The following ACACA variants were observed in gnomAD, a reference collection of about 807,000 sequenced individuals.
ACACA encodes acetyl-CoA carboxylase alpha.
Under a neutral mutation model 296.1 loss-of-function variants are expected in ACACA, and 103 were observed. The observed-to-expected ratio is 0.35, with a 90% CI of 0.30 to 0.41. The LOEUF (loss-of-function observed/expected upper bound fraction) is 0.41. Ranked by LOEUF, ACACA falls within the 10% of genes least tolerant of loss-of-function variation. ACACA has a pLI of 1.00. For missense variants in ACACA, 1,554 were observed against 2,989.7 expected (o/e 0.52, Z 11.20); for synonymous variants, 953 against 1,038.6 (o/e 0.92, Z 1.58).
chr17:37,121,465 C>A lies in ACACA; in HGVS notation c.6164G>T (p.Trp2055Leu). 1.9e-6 allele frequency: 3 copies of A among 1,614,150 alleles called. No individual in the cohort carries two copies. Among genetic ancestry groups the A allele is most frequent in the Non-Finnish European group, 2.5e-6 (3 of 1,180,024 alleles). ...AKIIQQAGQV[W>L]FPDSAFKTYQ... ...CGTCTTAAACGCAGAATCTGGGAAC[C>A]AAACCTGGCCAGCCTGCTGGATTAT... is the stretch of plus-strand genomic sequence containing the variant. Residue 2055 changes from tryptophan (W) to leucine (L), a missense_variant, in exon 50 of 56, where the codon TGG becomes TTG. Trp to Leu is a moderately conservative substitution (Grantham distance 61, BLOSUM62 -2). This residue lies in a region of ACACA where 553 missense variants were observed against 1,043.6 expected (regional missense o/e 0.53). Coordinates refer to ENST00000616317, the MANE Select transcript of ACACA (RefSeq NM_198834.3).
chr17:37,354,816 A>T (rs1230779802), intron 1 of ACACA, among the ~76,000 whole-genome samples: 1 of 152,196 alleles, frequency 6.6e-6, no homozygotes, highest in African/African-American at 2.4e-5. Flanking sequence ...CTGCAGTCCC[A>T]GCTACTCCAG....
At chr17:37,103,655 T>C (rs1040629239) in intron 52 of ACACA, among the ~76,000 whole-genome samples, 1 of 152,076 alleles carries the variant, frequency 6.6e-6, no homozygotes, top group Admixed American at 6.6e-5. Context: ...TTGGGAGGAC[T>C]GCCTGAAGCC....
At chr17:37,307,148 A>G (rs2083922498) in intron 3 of ACACA, among the ~76,000 whole-genome samples, 1 of 152,176 alleles carries the variant, frequency 6.6e-6, no homozygotes, top group Admixed American at 6.5e-5. Context: ...TACCTATTCT[A>G]CTATTCACGG....
chr17:37,185,958 C>T (rs950997337), intron 39 of ACACA, among the ~76,000 whole-genome samples: 126 of 152,276 alleles, frequency 8.3e-4, no homozygotes, highest in African/African-American at 2.8e-3. Context: ...ATTATGACTG[C>T]CTGACATCAG....
At chr17:37,306,151 G>A (rs903724847) in intron 3 of ACACA, among the ~76,000 whole-genome samples, 11 of 151,888 alleles carry the variant, frequency 7.2e-5, no homozygotes, top group Non-Finnish European at 1.2e-4. Flanking sequence ...CTTGTGATCC[G>A]CCCACCTCGG....
At chr17:37,271,125 T>TCTAAA (rs2082047553) in intron 9 of ACACA, among the ~76,000 whole-genome samples, 1 of 152,224 alleles carries the variant, frequency 6.6e-6, no homozygotes, top group Admixed American at 6.5e-5. Context: ...TCTAAAGTAA[T>TCTAAA]GTCACATGGG....
intron 3 of ACACA, chr17:37,289,384 AAC>A (rs2082939335): frequency 8.4e-7 from 1 of 1,189,438 alleles, no homozygotes; most frequent in Admixed American, 2.2e-5. Flanking sequence ...ATTGAAAGGT[AAC>A]ACAGAGAATA....
intron 22 of ACACA, 41 bp downstream of exon 22, chr17:37,243,330 A>T (rs752733115): frequency 6.4e-7 from 1 of 1,568,968 alleles, no homozygotes; most frequent in Non-Finnish European, 8.8e-7. Flanking sequence ...AAACTCTGGC[A>T]TTGGTAGCCA....
intron 45 of ACACA, among the ~76,000 whole-genome samples, chr17:37,149,523 G>C (rs1567724381): frequency 6.6e-6 from 1 of 152,210 alleles, no homozygotes; most frequent in Non-Finnish European, 1.5e-5. Context: ...GGACAGAACA[G>C]AAGCGTTCAA....
chr17:37,138,611 C>T (rs1447460155), intron 45 of ACACA, among the ~76,000 whole-genome samples: 1 of 152,168 alleles, frequency 6.6e-6, no homozygotes, highest in Non-Finnish European at 1.5e-5. Flanking sequence ...CACATTAAAG[C>T]CCCTAGTGCC....
At chr17:37,224,151 G>A (rs1206950303) in intron 27 of ACACA, among the ~76,000 whole-genome samples, 1 of 152,184 alleles carries the variant, frequency 6.6e-6, no homozygotes, top group Non-Finnish European at 1.5e-5. Flanking sequence ...GCAGTGAGCC[G>A]AGATTATGCC....
chr17:37,232,127 A>G (rs1018404788), intron 25 of ACACA, among the ~76,000 whole-genome samples: 1 of 152,146 alleles, frequency 6.6e-6, no homozygotes, highest in East Asian at 1.9e-4. Flanking sequence ...CCTGGAGAGG[A>G]TGAAGGTACC....
chr17:37,306,092 T>C (rs1323130596), intron 3 of ACACA, among the ~76,000 whole-genome samples: 1 of 151,904 alleles, frequency 6.6e-6, no homozygotes, highest in Non-Finnish European at 1.5e-5. Flanking sequence ...GTATTTTTAG[T>C]AGAGAAGGGG....
At chr17:37,303,211 T>C (rs565208591) in intron 3 of ACACA, among the ~76,000 whole-genome samples, 43 of 152,372 alleles carry the variant, frequency 2.8e-4, no homozygotes, top group African/African-American at 1.0e-3. Context: ...TCTGTCTTTA[T>C]AGATTTGCCT....
chr17:37,085,351 C>G lies in ACACA; in HGVS notation c.*1965G>C, dbSNP rs1052151763. 2.8e-6 allele frequency: 1 copy of G among 358,046 alleles called. No individual in the cohort carries two copies. The highest frequency in any genetic ancestry group is 5.0e-6 in the Non-Finnish European group (1 of 200,640). The allele number at this position is 358,046 out of a possible 1,614,324, so 22.2% of individuals were successfully genotyped here. A position where few individuals can be genotyped will look rare whatever the true frequency, so the allele number is the denominator to read the frequency against. On this transcript the variant is annotated 3_prime_UTR_variant, in exon 56 of 56. Transcript: ENST00000616317. ...AGAGAGGAAACATACTCGTTTGTGT[C>G]ATAATTTGGTGGGGAGAGGGGAGGT...
chr17:37,247,878 G>T, intron 18 of ACACA, 133 bp downstream of exon 18: 1 of 991,250 alleles, frequency 1.0e-6, no homozygotes, highest in Non-Finnish European at 1.5e-6. Flanking sequence ...TTTGTTAAGT[G>T]CATGTACTAT....
intron 3 of ACACA, chr17:37,328,855 A>C (rs996834484): frequency 5.0e-6 from 2 of 398,420 alleles, no homozygotes; most frequent in African/African-American, 4.1e-5. Flanking sequence ...AAAAAGCCCC[A>C]GTTCCACACC....
rs577580549 is a variant in ACACA at position 37,235,741 on chromosome 17, G to C, written c.3122-642C>G. On this transcript the variant is annotated intron_variant, in intron 24 of 55. Transcript: ENST00000616317. Reference sequence around the variant, plus strand: ...CCTTGAAACAGCTAAGCAATGCCTAGGAACGCCAAATCCAACCCAAGGTAT... The same window carrying C: ...CCTTGAAACAGCTAAGCAATGCCTACGAACGCCAAATCCAACCCAAGGTAT... Among the ~76,000 whole-genome samples the C allele has an allele frequency of 2.0e-5, 3 of 152,234 alleles. No homozygotes were observed. In the South Asian group the frequency reaches 6.2e-4, roughly 32 times the overall value.
At chr17:37,296,641 G>A (rs1410601283) in intron 3 of ACACA, among the ~76,000 whole-genome samples, 1 of 151,456 alleles carries the variant, frequency 6.6e-6, no homozygotes, top group African/African-American at 2.4e-5. Flanking sequence ...TCCCATTCAT[G>A]AGGGCTCTGC....
Sources: allele counts gnomAD v4.1 joint callset (sites outside exome capture counted in the v4.1 genomes callset), GRCh38; gene constraint gnomAD v4.1.1; regional missense constraint gnomAD v4.1.1; transcripts MANE v1.5; gene names NCBI Gene and HGNC (gene_info 2026-07-23, HGNC 2026-07-21).